NEXMIF: variants seen among roughly 807,000 people sequenced by gnomAD.
NEXMIF encodes the protein XLMR protein related to neurite extension.
Under a neutral mutation model 62.1 loss-of-function variants are expected in NEXMIF, and 8 were observed. That is an observed-to-expected ratio of 0.13 (90% CI 0.08 to 0.23). NEXMIF has a LOEUF of 0.23. NEXMIF is among the 10% of genes least tolerant of loss of function. NEXMIF has a pLI of 1.00. For synonymous variants in NEXMIF, 404 were observed against 416.6 expected (o/e 0.97, Z 0.37); for missense variants, 976 against 1,113.3 (o/e 0.88, Z 1.75).
intron 1 of NEXMIF, among the ~76,000 whole-genome samples, chrX:74,888,171 G>C (rs895924996): frequency 9.1e-6 from 1 of 109,518 alleles, no homozygotes; most frequent in Non-Finnish European, 1.9e-5. Flanking sequence ...GATAGCAGTA[G>C]GAGATATACC....
At chrX:74,878,956 G>A (rs1261469155) in intron 1 of NEXMIF, among the ~76,000 whole-genome samples, 5 of 112,676 alleles carry the variant, frequency 4.4e-5, no homozygotes, top group South Asian at 3.6e-4. Context: ...CTTCTGCGTC[G>A]CTCATGCTGG....
At chrX:74,746,142 TCAAAAA>T (rs1211231960) in intron 1 of NEXMIF, among the ~76,000 whole-genome samples, 1 of 112,145 alleles carries the variant, frequency 8.9e-6, no homozygotes, top group Non-Finnish European at 1.9e-5. Flanking sequence ...CAGATGCTCT[TCAAAAA>T]CAAGGCAATT....
At chrX:74,878,857 G>A (rs2080650573) in intron 1 of NEXMIF, among the ~76,000 whole-genome samples, 2 of 112,169 alleles carry the variant, frequency 1.8e-5, no homozygotes, top group South Asian at 7.4e-4. Context: ...CTCGCGCATG[G>A]TGCGCGCACC....
At chrX:74,829,400 T>A (rs2080428791) in intron 1 of NEXMIF, among the ~76,000 whole-genome samples, 1 of 112,231 alleles carries the variant, frequency 8.9e-6, no homozygotes, top group East Asian at 2.8e-4. Context: ...TCTTTATGGT[T>A]GAATAGTACT....
intron 1 of NEXMIF, among the ~76,000 whole-genome samples, chrX:74,747,361 G>C (rs1364567455): frequency 9.0e-6 from 1 of 110,980 alleles, no homozygotes; most frequent in Non-Finnish European, 1.9e-5. Context: ...CACAATGAGA[G>C]ATCTATGAAA....
intron 1 of NEXMIF, among the ~76,000 whole-genome samples, chrX:74,919,975 A>G (rs1284872480): frequency 9.0e-6 from 1 of 111,603 alleles, no homozygotes; most frequent in East Asian, 2.9e-4. Context: ...TTATAGCTGC[A>G]TAGTATTCCA....
chrX:74,840,342 G>A (rs1481114038), intron 1 of NEXMIF, among the ~76,000 whole-genome samples: 2 of 111,102 alleles, frequency 1.8e-5, no homozygotes, highest in African/African-American at 6.6e-5. Context: ...TTGCAAATAT[G>A]TTCTCCCATT....
chrX:74,887,686 T>C (rs1602267615), intron 1 of NEXMIF, among the ~76,000 whole-genome samples: 1 of 111,233 alleles, frequency 9.0e-6, no homozygotes. Context: ...GGAACACTTT[T>C]ACACTGTTGG....
At chrX:74,835,922 AC>A (rs1444235022) in intron 1 of NEXMIF, among the ~76,000 whole-genome samples, 2 of 112,369 alleles carry the variant, frequency 1.8e-5, no homozygotes, top group East Asian at 5.6e-4. Context: ...AGTTAAAAAA[AC>A]ATCAGAAATT....
chrX:74,748,914 T>C (rs1356225354), intron 1 of NEXMIF, among the ~76,000 whole-genome samples: 1 of 111,874 alleles, frequency 8.9e-6, no homozygotes, highest in Non-Finnish European at 1.9e-5. Context: ...TGGGGCAATA[T>C]AGCCTTTGGA....
chrX:74,854,354 A>T (rs1056134173), intron 1 of NEXMIF, among the ~76,000 whole-genome samples: 2 of 112,373 alleles, frequency 1.8e-5, no homozygotes, highest in African/African-American at 6.5e-5. Flanking sequence ...GGCACAGGAA[A>T]AATATTTGAT....
chrX:74,748,467 C>T (rs1221386415), intron 1 of NEXMIF, among the ~76,000 whole-genome samples: 2 of 112,044 alleles, frequency 1.8e-5, no homozygotes, highest in African/African-American at 6.5e-5. Flanking sequence ...ATACAAACAA[C>T]TCTGGGCTTG....
rs2080104789 is a variant in NEXMIF, at chrX:74,741,711, A to G, written c.2846T>C (p.Leu949Pro). 1 of 1,209,960 alleles carries G rather than the reference A, an allele frequency of 8.3e-7. No homozygotes were observed. The change falls in exon 3 of 4, where the codon CTG (leucine) becomes CCG (proline). Residue 949 changes from leucine (L) to proline (P), a missense_variant. Physicochemically the swap from Leu to Pro is moderately conservative, Grantham distance 98 (BLOSUM62 -3). Coordinates refer to ENST00000055682, the MANE Select transcript of NEXMIF (RefSeq NM_001008537.3). ...NSGGSNCNKV[L>P]YDSMQDTQLP... ...TTGGGTATCTTGCATGGAGTCATAC[A>G]GGACCTTGTTGCAATTACTGCCACC...
intron 1 of NEXMIF, among the ~76,000 whole-genome samples, chrX:74,799,953 G>A (rs1330247711): frequency 9.0e-6 from 1 of 111,064 alleles, no homozygotes; most frequent in Non-Finnish European, 1.9e-5. Flanking sequence ...AATAATAGCT[G>A]GAGACTTCAA....
intron 1 of NEXMIF, among the ~76,000 whole-genome samples, chrX:74,755,551 G>A (rs759491207): frequency 4.5e-5 from 5 of 111,369 alleles, no homozygotes; most frequent in African/African-American, 1.6e-4. Flanking sequence ...TGGTTCACAG[G>A]CTTGGGCCCT....
intron 1 of NEXMIF, among the ~76,000 whole-genome samples, chrX:74,747,791 T>G (rs1158110721): frequency 1.8e-5 from 2 of 111,316 alleles, no homozygotes; most frequent in African/African-American, 6.5e-5. Context: ...AATTTTTGTA[T>G]TTTTAGTAGA....
chrX:74,923,548 T>C (rs1019242635), intron 1 of NEXMIF, among the ~76,000 whole-genome samples: 1 of 112,031 alleles, frequency 8.9e-6, no homozygotes, highest in Admixed American at 9.4e-5. Flanking sequence ...ACGTCACTGC[T>C]GTAAATAAAA....
At chrX:74,809,088 T>G (rs999556330) in intron 1 of NEXMIF, among the ~76,000 whole-genome samples, 2 of 111,496 alleles carry the variant, frequency 1.8e-5, no homozygotes, top group Admixed American at 1.9e-4. Context: ...GAAGACACAG[T>G]AAGAAGGGCC....
In NEXMIF at chrX:74,741,352, A is replaced by G; in HGVS notation, c.3205T>C (p.Ser1069Pro). The G allele has an allele frequency of 8.3e-7, 1 of 1,211,213 alleles. No homozygotes were observed. Among genetic ancestry groups the G allele is most frequent in the Non-Finnish European group, 1.1e-6 (1 of 895,376 alleles). Residue 1069 changes from serine (S) to proline (P), a missense_variant, in exon 3 of 4, where the codon TCA becomes CCA. Transcript: ENST00000055682. ...GGGGTGTCCGGTGGGGACATCTCTGAAAGGGAAGAGTGGCGGAATTTGTCA... is the reference window on the plus strand; with the variant it reads ...GGGGTGTCCGGTGGGGACATCTCTGGAAGGGAAGAGTGGCGGAATTTGTCA... Reference protein sequence around the residue: ...TPDKFRHSSLSEMSPPDTPSL... With the variant: ...TPDKFRHSSLPEMSPPDTPSL...
Sources: allele counts gnomAD v4.1 joint callset (sites outside exome capture counted in the v4.1 genomes callset), GRCh38; gene constraint gnomAD v4.1.1; transcripts MANE v1.5; gene names NCBI Gene and HGNC (gene_info 2026-07-23, HGNC 2026-07-21).